DLGAP2: variants seen among roughly 807,000 people sequenced by gnomAD.
DLGAP2 encodes the protein disks large-associated protein 2.
In DLGAP2, 26 loss-of-function variants were observed where a neutral mutation model predicts 100.3. That is an observed-to-expected ratio of 0.26 (90% CI 0.19 to 0.36). DLGAP2 has a LOEUF of 0.36. DLGAP2 is among the 10% of genes least tolerant of loss of function. DLGAP2 has a pLI of 1.00. For synonymous variants in DLGAP2, 886 were observed against 630.1 expected, an observed-to-expected ratio of 1.41 and a Z score of -6.08; for missense variants, 1,858 against 1,453.2, an observed-to-expected ratio of 1.28 and a Z score of -4.53.
chr8:795,350 G>A lies in DLGAP2; in HGVS notation c.18+57525G>A, dbSNP rs144386933. On this transcript the variant is annotated intron_variant, in intron 1 of 14. Transcript: ENST00000637795. ...GACAGCCCATGGCTCGAGCTTGGGC[G>A]AAGCTTCTCTAACACGTGTTTTCTC... Among the ~76,000 whole-genome samples the A allele has an allele frequency of 1.8e-3, 278 of 152,250 alleles. 1 individual carries two copies. The highest frequency in any genetic ancestry group is 3.9e-3 in the South Asian group (19 of 4,820).
At chr8:790,877 C>G (rs985819786) in intron 1 of DLGAP2, among the ~76,000 whole-genome samples, 1 of 152,090 alleles carries the variant, frequency 6.6e-6, no homozygotes, top group Non-Finnish European at 1.5e-5. Context: ...TCCTGAGTAG[C>G]TGGGACTACA....
At chr8:1,091,177 C>G (rs1005904845) in intron 2 of DLGAP2, among the ~76,000 whole-genome samples, 2 of 152,190 alleles carry the variant, frequency 1.3e-5, no homozygotes, top group African/African-American at 4.8e-5. Flanking sequence ...CTGTGCATCT[C>G]TTCCTGGTCA....
chr8:1,455,952 A>T (rs773036570), intron 3 of DLGAP2, among the ~76,000 whole-genome samples: 2 of 152,196 alleles, frequency 1.3e-5, no homozygotes, highest in Admixed American at 6.5e-5. Context: ...GGCCCCCAGC[A>T]TGTGGTCAGA....
At chr8:1,539,204 G>A (rs371407263) in intron 4 of DLGAP2, among the ~76,000 whole-genome samples, 35 of 151,974 alleles carry the variant, frequency 2.3e-4, no homozygotes, top group Admixed American at 5.9e-4. Context: ...ATCTTTTTTC[G>A]TTTGTTTTCA....
chr8:801,350 G>C (rs1057357033), intron 1 of DLGAP2, among the ~76,000 whole-genome samples: 1 of 152,138 alleles, frequency 6.6e-6, no homozygotes, highest in Non-Finnish European at 1.5e-5. Flanking sequence ...TTCAGGTGTA[G>C]GGAATCTCCT....
At chr8:921,065 G>C (rs1289994172) in intron 2 of DLGAP2, among the ~76,000 whole-genome samples, 1 of 152,126 alleles carries the variant, frequency 6.6e-6, no homozygotes, top group African/African-American at 2.4e-5. Context: ...TTGTAACTTC[G>C]CAACTTGATG....
intron 3 of DLGAP2, among the ~76,000 whole-genome samples, chr8:1,470,408 C>T (rs4876063): frequency 0.43 from 65,016 of 151,908 alleles, 14,212 homozygotes; most frequent in Middle Eastern, 0.47. Flanking sequence ...TTCTGAGTGG[C>T]CGATGCAGTG....
rs990454419 is a variant in DLGAP2, at chr8:1,606,065, C to G, written c.1443-20675C>G. Among the ~76,000 whole-genome samples the G allele has an allele frequency of 2.6e-5, 4 of 152,180 alleles. No homozygotes were observed. The East Asian group carries it at 7.7e-4, about 29-fold the overall frequency. ...AAAGTATTTGTGGAAAATGAATTATCGTTAACTCTGCTGCCCCAGAGCTCC... is the reference window on the plus strand; with the variant it reads ...AAAGTATTTGTGGAAAATGAATTATGGTTAACTCTGCTGCCCCAGAGCTCC... On this transcript the variant is annotated intron_variant, in intron 6 of 14. Transcript: ENST00000637795.
chr8:1,695,851 T>C (rs1160897735), intron 13 of DLGAP2, among the ~76,000 whole-genome samples: 3 of 152,238 alleles, frequency 2.0e-5, no homozygotes, highest in Non-Finnish European at 4.4e-5. Flanking sequence ...CCAGGCACTT[T>C]AGTTATCCCC....
chr8:808,323 G>C (rs1251953813), intron 1 of DLGAP2, among the ~76,000 whole-genome samples: 1 of 152,182 alleles, frequency 6.6e-6, no homozygotes, highest in Non-Finnish European at 1.5e-5. Flanking sequence ...GAGAGTGATG[G>C]TGCATTTCAC....
chr8:1,138,303 G>A (rs972488861), intron 2 of DLGAP2, among the ~76,000 whole-genome samples: 1 of 152,220 alleles, frequency 6.6e-6, no homozygotes, highest in African/African-American at 2.4e-5. Flanking sequence ...AGGCCTGGGT[G>A]TCCTGTCTGC....
In DLGAP2 at chr8:1,548,829, G is replaced by T. The variant is rs58497511; in HGVS notation, c.376G>T (p.Asp126Tyr). ...ARPPYLLSPA[D>Y]SCPGGRHRCS... ...GCCGCCCTACCTGCTGAGCCCCGCCGACAGCTGCCCCGGGGGGCGCCACCG... is the reference window on the plus strand; with the variant it reads ...GCCGCCCTACCTGCTGAGCCCCGCCTACAGCTGCCCCGGGGGGCGCCACCG... Residue 126 changes from aspartate (D) to tyrosine (Y), a missense_variant, in exon 5 of 15, where the codon GAC (aspartate) becomes TAC (tyrosine). Asp to Tyr is a radical substitution (Grantham distance 160). Transcript: ENST00000637795. 5.7e-6 allele frequency: 9 copies of T among 1,579,922 alleles called. No individual in the cohort carries two copies. Among genetic ancestry groups the T allele is most frequent in the Non-Finnish European group, 6.9e-6 (8 of 1,167,056 alleles).
chr8:1,466,152 G>A (rs1798620138), intron 3 of DLGAP2, among the ~76,000 whole-genome samples: 1 of 152,188 alleles, frequency 6.6e-6, no homozygotes, highest in African/African-American at 2.4e-5. Flanking sequence ...GAAGTCAAGT[G>A]TGCTCTTGAC....
chr8:1,251,815 G>C (rs1028713261), intron 2 of DLGAP2, among the ~76,000 whole-genome samples: 31 of 152,180 alleles, frequency 2.0e-4, no homozygotes, highest in Non-Finnish European at 2.4e-4. Flanking sequence ...TCATCGCACT[G>C]TTGCACGGCC....
Position 1,618,617 on chromosome 8 carries a change from T to A in DLGAP2, c.1443-8123T>A, listed in dbSNP as rs530303206. Among the ~76,000 whole-genome samples, 23 of 152,326 alleles carry A rather than the reference T, an allele frequency of 1.5e-4. No individual in the cohort carries two copies. In the South Asian group the frequency reaches 3.3e-3, roughly 22 times the overall value. On this transcript the variant is annotated intron_variant, in intron 6 of 14. Coordinates refer to ENST00000637795, the MANE Select transcript of DLGAP2 (RefSeq NM_001346810.2). Reference sequence around the variant, plus strand: ...ACAGTCTTGATAAAAAAGAACACAGTTGGAGGACTCACGCTATCTGATTTC... The same window carrying A: ...ACAGTCTTGATAAAAAAGAACACAGATGGAGGACTCACGCTATCTGATTTC...
intron 2 of DLGAP2, among the ~76,000 whole-genome samples, chr8:1,057,816 A>G (rs1263936704): frequency 6.6e-6 from 1 of 152,226 alleles, no homozygotes; most frequent in East Asian, 1.9e-4. Context: ...CAATGTAGCA[A>G]AACAAAGTAC....
chr8:1,662,614 G>T lies in DLGAP2; in HGVS notation c.1811-5715G>T, dbSNP rs145521634. 2.6e-3 allele frequency among the ~76,000 whole-genome samples: 393 copies of T among 152,366 alleles called. 2 individuals carry two copies. The highest frequency in any genetic ancestry group is 9.2e-3 in the African/African-American group (381 of 41,582). ...ATCTCAGTTCTACCATTTTTCTTGT[G>T]GGCTGATGTCAGGAAGAGGTTTAAG... On this transcript the variant is annotated intron_variant, in intron 8 of 14. Coordinates refer to ENST00000637795, the MANE Select transcript of DLGAP2 (RefSeq NM_001346810.2).
chr8:1,377,593 G>A (rs1480840153), intron 3 of DLGAP2, among the ~76,000 whole-genome samples: 2 of 152,198 alleles, frequency 1.3e-5, no homozygotes, highest in African/African-American at 4.8e-5. Flanking sequence ...CATATCCCAG[G>A]AAAGGTGAAG....
intron 6 of DLGAP2, among the ~76,000 whole-genome samples, chr8:1,618,897 T>C (rs1246097371): frequency 6.6e-6 from 1 of 152,138 alleles, no homozygotes; most frequent in African/African-American, 2.4e-5. Flanking sequence ...CTCCTCTAAA[T>C]TGTGGCAAAC....
Sources: gnomAD v4.1 joint callset for allele counts (sites outside exome capture counted in the v4.1 genomes callset) on GRCh38, gnomAD v4.1.1 for gene constraint, MANE v1.5 for transcripts, NCBI Gene and HGNC (gene_info 2026-07-23, HGNC 2026-07-21) for gene names.